Variants in BICD1 observed in about 807,000 individuals in gnomAD.
BICD1 encodes protein bicaudal D homolog 1.
Under a neutral mutation model 92.5 loss-of-function variants are expected in BICD1, and 35 were observed. The observed-to-expected ratio is 0.38, with a 90% CI of 0.29 to 0.50. The LOEUF is 0.50. BICD1 is among the 20% of genes least tolerant of loss of function. BICD1 has a pLI of 0.93. For missense variants in BICD1, 950 were observed against 1,189.8 expected, an observed-to-expected ratio of 0.80 and a Z score of 2.97; for synonymous variants, 429 against 465.1, an observed-to-expected ratio of 0.92 and a Z score of 1.00.
intron 2 of BICD1, among the ~76,000 whole-genome samples, chr12:32,257,336 A>G (rs1946747879): frequency 6.6e-6 from 1 of 152,168 alleles, no homozygotes; most frequent in Non-Finnish European, 1.5e-5. Context: ...AAAAGCATAT[A>G]CATATAAAAT....
chr12:32,310,181 A>T (rs550518199), intron 4 of BICD1, among the ~76,000 whole-genome samples: 1 of 152,334 alleles, frequency 6.6e-6, no homozygotes, highest in Non-Finnish European at 1.5e-5. Context: ...CAACACAGTG[A>T]CTGTAGTTAA....
intron 5 of BICD1, chr12:32,333,287 G>T: frequency 1.0e-6 from 1 of 980,006 alleles, no homozygotes; most frequent in South Asian, 4.7e-5. Flanking sequence ...TATTTCTGAA[G>T]ATTCCTCCAA....
chr12:32,136,154 GTC>G (rs1387056632), intron 1 of BICD1, among the ~76,000 whole-genome samples: 1 of 152,152 alleles, frequency 6.6e-6, no homozygotes, highest in Admixed American at 6.5e-5. Flanking sequence ...TGATTTTCAG[GTC>G]TGTTTCCTCC....
chr12:32,330,591 A>G (rs916544291), intron 5 of BICD1, among the ~76,000 whole-genome samples: 4 of 150,662 alleles, frequency 2.7e-5, no homozygotes, highest in African/African-American at 9.7e-5. Flanking sequence ...ATATATATAA[A>G]ATAAATAAAA....
intron 1 of BICD1, among the ~76,000 whole-genome samples, chr12:32,203,296 CA>C (rs1195369273): frequency 2.2e-4 from 34 of 152,102 alleles, no homozygotes; most frequent in South Asian, 2.1e-4. Context: ...GAAGGATTTA[CA>C]AATAGTGTTA....
chr12:32,150,266 A>G (rs1358133734), intron 1 of BICD1, among the ~76,000 whole-genome samples: 1 of 152,186 alleles, frequency 6.6e-6, no homozygotes, highest in African/African-American at 2.4e-5. Context: ...TAATACTATC[A>G]CATTGGATTT....
At chr12:32,150,247 C>CA (rs1943250719) in intron 1 of BICD1, among the ~76,000 whole-genome samples, 1 of 152,214 alleles carries the variant, frequency 6.6e-6, no homozygotes, top group South Asian at 2.1e-4. Context: ...TATCAACTAT[C>CA]ATACCTCTTA....
At chr12:32,248,757 G>A (rs1238088178) in intron 2 of BICD1, among the ~76,000 whole-genome samples, 1 of 152,160 alleles carries the variant, frequency 6.6e-6, no homozygotes. Context: ...ACACCAGAGG[G>A]TGAGTAGAGT....
chr12:32,276,934 C>G (rs1171157459), intron 2 of BICD1, among the ~76,000 whole-genome samples: 1 of 151,692 alleles, frequency 6.6e-6, no homozygotes, highest in African/African-American at 2.4e-5. Flanking sequence ...TACCTCATTA[C>G]TATTTACAAA....
At chr12:32,326,046 G>GC (rs1948770024) in intron 4 of BICD1, among the ~76,000 whole-genome samples, 1 of 117,570 alleles carries the variant, frequency 8.5e-6, no homozygotes, top group Non-Finnish European at 1.6e-5. Flanking sequence ...TCGCGCCACT[G>GC]CACTCCAGCC....
intron 3 of BICD1, among the ~76,000 whole-genome samples, chr12:32,296,258 T>TG (rs1947868634): frequency 2.6e-5 from 2 of 76,342 alleles, no homozygotes; most frequent in African/African-American, 8.2e-5. Flanking sequence ...TTTTTTTTGT[T>TG]TTTTTTTTTT....
chr12:32,193,402 G>T (rs1161357955), intron 1 of BICD1, among the ~76,000 whole-genome samples: 2 of 152,198 alleles, frequency 1.3e-5, no homozygotes, highest in African/African-American at 2.4e-5. Flanking sequence ...CTAGACTACA[G>T]TATAGTGTCA....
intron 3 of BICD1, among the ~76,000 whole-genome samples, chr12:32,295,274 A>T (rs1947837429): frequency 6.6e-6 from 1 of 152,132 alleles, no homozygotes. Context: ...ATTTTAGAAG[A>T]ATTTATTTAT....
rs140425217 is a variant in BICD1, at chr12:32,313,745, G to T, written c.1005+7623G>T. On this transcript the variant is annotated intron_variant, in intron 4 of 9. Coordinates refer to ENST00000652176, the MANE Select transcript of BICD1 (RefSeq NM_001714.4). This position sits in a 1 kb window ranked among gnomAD's most constrained non-coding sequence, Gnocchi z 4.2. ...AATCCCAGCACTTCGGAAGGCTGAG[G>T]CAGGAGGATAGCTTGAGGCCAGGGG... Among the ~76,000 whole-genome samples the T allele has an allele frequency of 4.9e-3, 746 of 152,306 alleles. 7 individuals are homozygous for T. Among genetic ancestry groups the T allele is most frequent in the African/African-American group, 0.017 (711 of 41,568 alleles).
intron 2 of BICD1, among the ~76,000 whole-genome samples, chr12:32,231,695 C>T (rs866454800): frequency 0.011 from 1,611 of 151,396 alleles, 10 homozygotes; most frequent in Middle Eastern, 0.041. Context: ...CCCACTAACT[C>T]ATCATCTAGC....
At chr12:32,338,670 A>G (rs947357454) in intron 7 of BICD1, 116 bp from the exon 8 acceptor site, 4 of 871,520 alleles carry the variant, frequency 4.6e-6, no homozygotes, top group South Asian at 1.9e-5. Flanking sequence ...ATTGATTTAC[A>G]TATTTAAAAA....
chr12:32,319,922 C>T (rs1191011096), intron 4 of BICD1, among the ~76,000 whole-genome samples: 3 of 152,150 alleles, frequency 2.0e-5, no homozygotes, highest in African/African-American at 4.8e-5. Context: ...CTTTTTTAGT[C>T]TTCGTCCAGT....
intron 1 of BICD1, among the ~76,000 whole-genome samples, chr12:32,212,875 T>C (rs1298069689): frequency 2.0e-5 from 3 of 152,202 alleles, no homozygotes; most frequent in Non-Finnish European, 2.9e-5. Flanking sequence ...ATCTATCAAC[T>C]CTTTTAAGGC....
chr12:32,116,612 C>T (rs1423134264), intron 1 of BICD1, among the ~76,000 whole-genome samples: 1 of 151,660 alleles, frequency 6.6e-6, no homozygotes, highest in Non-Finnish European at 1.5e-5. Context: ...CTTGACCTCA[C>T]AGGTTCAAGT....
Sources: gnomAD v4.1 joint callset for allele counts (sites outside exome capture counted in the v4.1 genomes callset) on GRCh38, gnomAD v4.1.1 for gene constraint, Gnocchi (gnomAD v3.1) non-coding constraint, MANE v1.5 for transcripts, NCBI Gene and HGNC (gene_info 2026-07-23, HGNC 2026-07-21) for gene names.